The following KCND2 variants were observed in gnomAD, a reference collection of about 807,000 sequenced individuals.
The protein encoded by KCND2 is potassium voltage-gated channel subfamily D member 2.
KCND2 carries 16 observed loss-of-function variants against 54.4 expected under a neutral mutation model. The observed-to-expected ratio is 0.29, with a 90% CI of 0.20 to 0.45. The LOEUF is 0.45. Ranked by LOEUF, KCND2 falls within the 20% of genes least tolerant of loss-of-function variation. The pLI is 1.00. For missense variants in KCND2, 486 were observed against 824.2 expected, an observed-to-expected ratio of 0.59 and a Z score of 5.02; for synonymous variants, 317 against 310.7, an observed-to-expected ratio of 1.02 and a Z score of -0.21.
At chr7:120,695,659 A>C (rs574726570) in intron 1 of KCND2, among the ~76,000 whole-genome samples, 1 of 152,308 alleles carries the variant, frequency 6.6e-6, no homozygotes, top group East Asian at 1.9e-4. Flanking sequence ...ACATTTGTTG[A>C]TTATGATGAT....
chr7:120,472,096 T>C (rs1389621198), intron 1 of KCND2, among the ~76,000 whole-genome samples: 23 of 151,786 alleles, frequency 1.5e-4, no homozygotes, highest in Admixed American at 1.5e-3. Context: ...CTATATAGTT[T>C]GGGGTTACCT....
intron 1 of KCND2, among the ~76,000 whole-genome samples, chr7:120,635,458 A>G (rs188860125): frequency 1.3e-3 from 202 of 152,338 alleles, no homozygotes; most frequent in Middle Eastern, 6.8e-3. Flanking sequence ...TAGATGCAAT[A>G]AGAATATTGT....
chr7:120,288,996 G>C (rs1042293727), intron 1 of KCND2, among the ~76,000 whole-genome samples: 1 of 151,330 alleles, frequency 6.6e-6, no homozygotes, highest in Non-Finnish European at 1.5e-5. Flanking sequence ...GAGTATATAT[G>C]GGGGGAGAGA....
intron 1 of KCND2, among the ~76,000 whole-genome samples, chr7:120,533,517 T>C (rs1791867237): frequency 6.6e-6 from 1 of 152,140 alleles, no homozygotes; most frequent in Non-Finnish European, 1.5e-5. Flanking sequence ...ATGCTGCATC[T>C]GGCTCAGAGC....
intron 1 of KCND2, among the ~76,000 whole-genome samples, chr7:120,418,284 G>T (rs907061186): frequency 6.6e-6 from 1 of 152,124 alleles, no homozygotes; most frequent in African/African-American, 2.4e-5. Context: ...GAAGAAAGGG[G>T]CTTATATGTT....
intron 1 of KCND2, among the ~76,000 whole-genome samples, chr7:120,696,146 G>T (rs1009868866): frequency 5.3e-5 from 8 of 152,044 alleles, no homozygotes; most frequent in African/African-American, 1.4e-4. Context: ...AGAAAAAGCT[G>T]GTTTTACTTT....
intron 1 of KCND2, among the ~76,000 whole-genome samples, chr7:120,611,321 T>A (rs1418135112): frequency 1.3e-5 from 2 of 152,210 alleles, no homozygotes; most frequent in Non-Finnish European, 2.9e-5. Context: ...GCTAAGAAAC[T>A]GAACTGTAAA....
At chr7:120,436,004 C>T (rs1272944725) in intron 1 of KCND2, among the ~76,000 whole-genome samples, 2 of 151,858 alleles carry the variant, frequency 1.3e-5, no homozygotes, top group African/African-American at 4.8e-5. Flanking sequence ...GTATGAGAGC[C>T]GAAATGCTGA....
At chr7:120,302,451 C>T (rs559959913) in intron 1 of KCND2, among the ~76,000 whole-genome samples, 63 of 152,010 alleles carry the variant, frequency 4.1e-4, no homozygotes, top group African/African-American at 1.2e-3. Context: ...TTGACGGGGA[C>T]GGGGAGGTGG....
chr7:120,360,976 A>G (rs1377310999), intron 1 of KCND2, among the ~76,000 whole-genome samples: 6 of 152,140 alleles, frequency 3.9e-5, no homozygotes, highest in African/African-American at 1.2e-4. Flanking sequence ...GCAATATAGT[A>G]TATATTTGTT....
intron 1 of KCND2, among the ~76,000 whole-genome samples, chr7:120,543,427 A>C (rs1792006654): frequency 6.6e-6 from 1 of 152,090 alleles, no homozygotes; most frequent in African/African-American, 2.4e-5. Context: ...GAAGAAATTA[A>C]AATATTTTAG....
chr7:120,538,010 G>A (rs576281835), intron 1 of KCND2, among the ~76,000 whole-genome samples: 109 of 152,174 alleles, frequency 7.2e-4, no homozygotes, highest in Non-Finnish European at 1.2e-3. Flanking sequence ...GACTGTTTTG[G>A]GCAAGAGGCC....
intron 1 of KCND2, among the ~76,000 whole-genome samples, chr7:120,608,572 C>T (rs1254663366): frequency 6.6e-6 from 1 of 152,056 alleles, no homozygotes; most frequent in East Asian, 1.9e-4. Flanking sequence ...CAATGCTGAG[C>T]TTCAGTATAA....
chr7:120,680,522 A>G (rs188119085), intron 1 of KCND2, among the ~76,000 whole-genome samples: 4 of 152,246 alleles, frequency 2.6e-5, no homozygotes, highest in Non-Finnish European at 5.9e-5. Context: ...GCAGGATAAC[A>G]TATGCTAATG....
At chr7:120,732,216 G>C (rs572868764) in intron 1 of KCND2, among the ~76,000 whole-genome samples, 1 of 152,194 alleles carries the variant, frequency 6.6e-6, no homozygotes, top group East Asian at 1.9e-4. Context: ...TTAGAAATCA[G>C]ATAAGGGGAA....
At chr7:120,353,506 G>A (rs915747089) in intron 1 of KCND2, among the ~76,000 whole-genome samples, 3 of 152,050 alleles carry the variant, frequency 2.0e-5, no homozygotes, top group Non-Finnish European at 4.4e-5. Context: ...TGACTCCTAG[G>A]TTCTTTACTT....
chr7:120,610,234 T>A (rs1330408564), intron 1 of KCND2, among the ~76,000 whole-genome samples: 1 of 152,168 alleles, frequency 6.6e-6, no homozygotes, highest in Non-Finnish European at 1.5e-5. Context: ...TTAGGTGACC[T>A]AGCCATACTT....
intron 1 of KCND2, among the ~76,000 whole-genome samples, chr7:120,503,385 T>TGAGAGAGAGAGAGAGAGAGA (rs58222636): frequency 6.1e-5 from 9 of 146,576 alleles, no homozygotes; most frequent in East Asian, 2.0e-4. Flanking sequence ...GTCTCTAGAG[T>TGAGAGAGAGAGAGAGAGAGA]GAGAGAGAGA....
At chr7:120,536,936 T>G (rs1791919161) in intron 1 of KCND2, among the ~76,000 whole-genome samples, 1 of 152,192 alleles carries the variant, frequency 6.6e-6, no homozygotes, top group African/African-American at 2.4e-5. Flanking sequence ...CCAGATCAAC[T>G]TCTTTTAAAT....
Sources: allele counts gnomAD v4.1 joint callset (sites outside exome capture counted in the v4.1 genomes callset), GRCh38; gene constraint gnomAD v4.1.1; transcripts MANE v1.5; gene names NCBI Gene and HGNC (gene_info 2026-07-23, HGNC 2026-07-21).